The following DIAPH3 variants were observed in gnomAD, a reference collection of about 807,000 sequenced individuals.
The protein encoded by DIAPH3 is diaphanous related formin 3.
In DIAPH3, 117 loss-of-function variants were observed where a neutral mutation model predicts 144.3. The ratio of observed to expected loss-of-function variants is 0.81; its 90% CI spans 0.70 to 0.95. The LOEUF is 0.95. Among genes scored for constraint, DIAPH3 ranks in the 40% least tolerant of loss-of-function variants. The probability of loss-of-function intolerance (pLI) is 0.00; values close to 1 mark genes in which losing one functional copy is unlikely to be tolerated. For synonymous variants in DIAPH3, 519 were observed against 488.9 expected, an observed-to-expected ratio of 1.06 and a Z score of -0.81; for missense variants, 1,421 against 1,412.7, an observed-to-expected ratio of 1.01 and a Z score of -0.09.
intron 4 of DIAPH3, among the ~76,000 whole-genome samples, chr13:60,090,940 A>G (rs1317103939): frequency 6.6e-6 from 1 of 152,220 alleles, no homozygotes; most frequent in African/African-American, 2.4e-5. Flanking sequence ...CAAAATGATT[A>G]GAGGATTAAA....
intron 4 of DIAPH3, among the ~76,000 whole-genome samples, chr13:60,061,303 A>C (rs2056761842): frequency 6.6e-6 from 1 of 152,108 alleles, no homozygotes; most frequent in African/African-American, 2.4e-5. Context: ...CAAGAAAGTG[A>C]AATGTGCCTA....
In DIAPH3 at chr13:59,961,747, T is replaced by C. The variant is rs2049774027; in HGVS notation, c.2074+8197A>G. On this transcript the variant is annotated intron_variant, in intron 17 of 27. Transcript: ENST00000400324. ...TTCCATTCAGAGGGGCTGCTTCTTT[T>C]AGCTGAAATTCACCGAAGAATGTAA... Among the ~76,000 whole-genome samples the C allele has an allele frequency of 2.0e-5, 3 of 152,228 alleles. No individual in the cohort carries two copies. In the South Asian group the frequency reaches 6.2e-4, roughly 31 times the overall value.
chr13:59,743,946 C>T (rs978433843), intron 27 of DIAPH3, among the ~76,000 whole-genome samples: 2 of 152,154 alleles, frequency 1.3e-5, no homozygotes, highest in African/African-American at 4.8e-5. Flanking sequence ...AAAATACACA[C>T]ATATACACAC....
intron 3 of DIAPH3, among the ~76,000 whole-genome samples, chr13:60,102,145 G>A (rs973467060): frequency 6.6e-6 from 1 of 151,998 alleles, no homozygotes; most frequent in Non-Finnish European, 1.5e-5. Context: ...TTTATCCAAA[G>A]ACATTCCTAT....
intron 5 of DIAPH3, among the ~76,000 whole-genome samples, chr13:60,018,427 C>A (rs960214245): frequency 6.6e-6 from 1 of 152,024 alleles, no homozygotes; most frequent in African/African-American, 2.4e-5. Flanking sequence ...GTTCTCTGAT[C>A]TACATAATTA....
At position 59,910,935 on chromosome 13, in the gene DIAPH3, G is replaced by A. The variant is rs569201881; in HGVS notation, c.2367+800C>T. On this transcript the variant is annotated intron_variant, in intron 20 of 27. Transcript: ENST00000400324. ...CAACATGCCAAAATATGAGGTGCAGGCACAGCTATTAAGTAAATCAACCTG... is the reference window on the plus strand; with the variant it reads ...CAACATGCCAAAATATGAGGTGCAGACACAGCTATTAAGTAAATCAACCTG... 4.6e-5 allele frequency among the ~76,000 whole-genome samples: 7 copies of A among 151,376 alleles called. 1 individual carries two copies. In the East Asian group the frequency reaches 1.4e-3, roughly 29 times the overall value.
chr13:59,826,194 G>A (rs1421215719), intron 24 of DIAPH3, among the ~76,000 whole-genome samples: 40 of 149,156 alleles, frequency 2.7e-4, no homozygotes, highest in African/African-American at 7.4e-5. Context: ...AATTAGGCAG[G>A]AGAAGGAAAT....
chr13:60,103,743 C>G (rs2058336723), intron 3 of DIAPH3, among the ~76,000 whole-genome samples: 1 of 152,166 alleles, frequency 6.6e-6, no homozygotes. Flanking sequence ...ATTATTAAAG[C>G]CACAAATTGG....
intron 27 of DIAPH3, among the ~76,000 whole-genome samples, chr13:59,711,932 A>G (rs1000846255): frequency 2.0e-4 from 31 of 152,218 alleles, no homozygotes; most frequent in Non-Finnish European, 4.6e-4. Flanking sequence ...ACTTGGCATG[A>G]GGCAACCTGG....
At chr13:60,007,826 T>C (rs575469529) in intron 9 of DIAPH3, among the ~76,000 whole-genome samples, 1 of 152,294 alleles carries the variant, frequency 6.6e-6, no homozygotes, top group African/African-American at 2.4e-5. Context: ...TCTATAACCT[T>C]GGGTTTCCTT....
intron 9 of DIAPH3, among the ~76,000 whole-genome samples, chr13:60,006,055 G>C (rs2052857003): frequency 6.6e-6 from 1 of 151,966 alleles, no homozygotes; most frequent in African/African-American, 2.4e-5. Flanking sequence ...AATAAAAGCA[G>C]AACTACCTAT....
At chr13:59,731,005 A>C (rs2035867671) in intron 27 of DIAPH3, among the ~76,000 whole-genome samples, 2 of 151,692 alleles carry the variant, frequency 1.3e-5, no homozygotes, top group South Asian at 2.1e-4. Flanking sequence ...TGTCAACATC[A>C]CTCTTCTACT....
intron 27 of DIAPH3, among the ~76,000 whole-genome samples, chr13:59,674,393 A>T (rs1210685343): frequency 6.6e-6 from 1 of 151,860 alleles, no homozygotes; most frequent in Non-Finnish European, 1.5e-5. Flanking sequence ...AAGTCCTCAG[A>T]CTCCTGGTTA....
At chr13:59,840,665 C>G (rs2042290262) in intron 22 of DIAPH3, among the ~76,000 whole-genome samples, 1 of 152,008 alleles carries the variant, frequency 6.6e-6, no homozygotes, top group Non-Finnish European at 1.5e-5. Flanking sequence ...ATCTAATTCT[C>G]AGATGCAACG....
chr13:60,122,937 T>C (rs982132519), intron 2 of DIAPH3, among the ~76,000 whole-genome samples: 10 of 152,092 alleles, frequency 6.6e-5, no homozygotes, highest in African/African-American at 1.4e-4. Flanking sequence ...ATATTAATAA[T>C]ATATACTTGA....
At chr13:60,096,780 A>G (rs1265848751) in intron 3 of DIAPH3, among the ~76,000 whole-genome samples, 1 of 152,190 alleles carries the variant, frequency 6.6e-6, no homozygotes, top group Non-Finnish European at 1.5e-5. Flanking sequence ...GACTTCCCCC[A>G]GTGACACTCT....
chr13:60,148,414 G>A (rs1188163481), intron 1 of DIAPH3, among the ~76,000 whole-genome samples: 1 of 152,160 alleles, frequency 6.6e-6, no homozygotes, highest in African/African-American at 2.4e-5. Flanking sequence ...TTTGGTAGCA[G>A]TAGCCACATT....
chr13:60,086,981 G>A (rs2057767119), intron 4 of DIAPH3, among the ~76,000 whole-genome samples: 1 of 152,078 alleles, frequency 6.6e-6, no homozygotes, highest in African/African-American at 2.4e-5. Flanking sequence ...TCCAGTCTCT[G>A]ATAAAAAATG....
chr13:59,831,212 C>A (rs1003120640), intron 24 of DIAPH3, among the ~76,000 whole-genome samples: 3 of 151,848 alleles, frequency 2.0e-5, no homozygotes, highest in African/African-American at 7.2e-5. Flanking sequence ...ATTATTACTT[C>A]ATATATCCAT....
Sources: gnomAD v4.1 joint callset for allele counts (sites outside exome capture counted in the v4.1 genomes callset) on GRCh38, gnomAD v4.1.1 for gene constraint, MANE v1.5 for transcripts, NCBI Gene and HGNC (gene_info 2026-07-23, HGNC 2026-07-21) for gene names.